CLASP1: variants seen among roughly 807,000 people sequenced by gnomAD.
CLASP1 encodes cytoplasmic linker associated protein 1.
Under a neutral mutation model 192.3 loss-of-function variants are expected in CLASP1, and 38 were observed. That is an observed-to-expected ratio of 0.20 (90% CI 0.15 to 0.26). The LOEUF (loss-of-function observed/expected upper bound fraction) is 0.26, where lower values mean the gene tolerates loss of function less well. Among genes scored for constraint, CLASP1 ranks in the 10% least tolerant of loss-of-function variants. The probability of loss-of-function intolerance (pLI) is 1.00; values close to 1 mark genes in which losing one functional copy is unlikely to be tolerated. For missense variants in CLASP1, 1,433 were observed against 1,932.5 expected (o/e 0.74, Z 4.85); for synonymous variants, 691 against 712.8 (o/e 0.97, Z 0.49).
In CLASP1 at chr2:121,377,664, T is replaced by C. The variant is rs1259654410; in HGVS notation, c.3492-15A>G. 2 of 1,532,588 alleles carry C rather than the reference T, an allele frequency of 1.3e-6. No homozygotes were observed. The highest frequency in any genetic ancestry group is 1.8e-6 in the Non-Finnish European group (2 of 1,137,526). The allele number at this position is 1,532,588 out of a possible 1,614,324, so 94.9% of individuals were successfully genotyped here. A position where few individuals can be genotyped will look rare whatever the true frequency, so the allele number is the denominator to read the frequency against. ...AGTCCAGCATGCTAAAGATAAAAAA[T>C]ATTTTATTTCTTAAATCGAGGCATA... is the stretch of plus-strand genomic sequence containing the variant. On this transcript the variant is annotated splice_polypyrimidine_tract_variant and intron_variant, in intron 33 of 39. Transcript: ENST00000263710.
intron 2 of CLASP1, 103 bp from the exon 3 acceptor site, chr2:121,530,428 T>A (rs1267194706): frequency 2.5e-6 from 2 of 810,846 alleles, no homozygotes; most frequent in Admixed American, 2.4e-5. Flanking sequence ...CCAGACGCAG[T>A]CCGAGAGTCC....
At position 121,385,061 on chromosome 2, in the gene CLASP1, GTCTA is replaced by G. The variant is rs765674416; in HGVS notation, c.3374+2057_3374+2060del. On this transcript the variant is annotated intron_variant, in intron 32 of 39. Coordinates refer to ENST00000263710, the Ensembl canonical transcript of CLASP1. ...AGCTGAGATTATATACAACAGATCT[GTCTA>G]TCTGTCTGTAGTCTCCTTAAATGAG... 6.9e-4 allele frequency among the ~76,000 whole-genome samples: 105 copies of G among 152,230 alleles called. 1 individual carries two copies. The highest frequency in any genetic ancestry group is 2.2e-3 in the African/African-American group (91 of 41,524).
At chr2:121,375,281 C>T (rs1433948136) in intron 34 of CLASP1, among the ~76,000 whole-genome samples, 3 of 152,024 alleles carry the variant, frequency 2.0e-5, no homozygotes, top group South Asian at 4.2e-4. Flanking sequence ...TTCCTGGGGC[C>T]TTCCCAGCTG....
chr2:121,417,730 G>C (rs1222132611), intron 23 of CLASP1, among the ~76,000 whole-genome samples: 4 of 152,210 alleles, frequency 2.6e-5, no homozygotes, highest in Admixed American at 6.5e-5. Context: ...ACACTGATTA[G>C]GGAAAAAAGA....
intron 6 of CLASP1, among the ~76,000 whole-genome samples, chr2:121,522,329 T>C (rs1206494285): frequency 6.6e-6 from 1 of 151,824 alleles, no homozygotes; most frequent in South Asian, 2.1e-4. Flanking sequence ...ACAAAACAAA[T>C]AATAAGAAGT....
intron 36 of CLASP1, among the ~76,000 whole-genome samples, chr2:121,363,675 T>C (rs1464836163): frequency 6.6e-6 from 1 of 152,200 alleles, no homozygotes. Flanking sequence ...TATGCTTCTG[T>C]AAAATGTATG....
At chr2:121,485,770 G>A (rs1274255114) in intron 8 of CLASP1, among the ~76,000 whole-genome samples, 1 of 152,144 alleles carries the variant, frequency 6.6e-6, no homozygotes, top group South Asian at 2.1e-4. Flanking sequence ...TACAGGCATG[G>A]TCCACCACAC....
intron 2 of CLASP1, among the ~76,000 whole-genome samples, chr2:121,535,034 AAGGCAGGCAG>A (rs1367486922): frequency 6.6e-6 from 1 of 152,186 alleles, no homozygotes; most frequent in African/African-American, 2.4e-5. Flanking sequence ...TTGGGAGGCC[AAGGCAGGCAG>A]AGGCAGGCGG....
chr2:121,560,863 T>C (rs1432026362), intron 2 of CLASP1, among the ~76,000 whole-genome samples: 3 of 152,228 alleles, frequency 2.0e-5, no homozygotes, highest in Non-Finnish European at 2.9e-5. Context: ...GCCTCCCAAG[T>C]AGCCAGGATT....
chr2:121,577,707 G>A (rs1424982895), intron 2 of CLASP1, among the ~76,000 whole-genome samples: 1 of 152,154 alleles, frequency 6.6e-6, no homozygotes, highest in African/African-American at 2.4e-5. Flanking sequence ...TTGAAAATAT[G>A]GTTCTAGTGG....
At chr2:121,406,443 T>G (rs950863210) in intron 25 of CLASP1, among the ~76,000 whole-genome samples, 14 of 152,188 alleles carry the variant, frequency 9.2e-5, no homozygotes, top group African/African-American at 3.1e-4. Flanking sequence ...TCCAAGACCC[T>G]AAAGTATAAT....
At chr2:121,642,373 C>G (rs2072269398) in intron 1 of CLASP1, among the ~76,000 whole-genome samples, 1 of 149,586 alleles carries the variant, frequency 6.7e-6, no homozygotes, top group South Asian at 2.1e-4. Flanking sequence ...ACACTCCACC[C>G]TGGGTGACAG....
At chr2:121,451,585 G>A (rs2085486600) in intron 15 of CLASP1, among the ~76,000 whole-genome samples, 2 of 152,204 alleles carry the variant, frequency 1.3e-5, no homozygotes, top group South Asian at 2.1e-4. Context: ...AATGCACATG[G>A]ACATAGTAGT....
At chr2:121,346,099 G>T (rs2149108903) in intron 39 of CLASP1, among the ~76,000 whole-genome samples, 1 of 152,324 alleles carries the variant, frequency 6.6e-6, no homozygotes, top group East Asian at 1.9e-4. Flanking sequence ...TGATGAAATG[G>T]GCCCCACTTG....
intron 2 of CLASP1, among the ~76,000 whole-genome samples, chr2:121,552,762 C>T (rs375938440): frequency 6.6e-6 from 1 of 152,178 alleles, no homozygotes; most frequent in Non-Finnish European, 1.5e-5. Flanking sequence ...TTAGTTAAAC[C>T]ACTGTGGAGA....
chr2:121,433,812 C>T (rs1180949174), intron 19 of CLASP1, among the ~76,000 whole-genome samples: 2 of 152,178 alleles, frequency 1.3e-5, no homozygotes, highest in African/African-American at 4.8e-5. Context: ...ATGACATACA[C>T]ACTCACATAC....
In CLASP1 at chr2:121,636,422, G is replaced by A. The variant is rs928965436; in HGVS notation, c.-286+12950C>T. Among the ~76,000 whole-genome samples the A allele has an allele frequency of 4.6e-5, 7 of 150,962 alleles. No individual in the cohort carries two copies. In the South Asian group the frequency reaches 1.3e-3, roughly 27 times the overall value. On this transcript the variant is annotated intron_variant, in intron 1 of 39. Transcript: ENST00000263710. ...CTCATGCCTGTAATCCCAACACTTT[G>A]GGAGGCCGAGGCGGGTGGATCACCT...
chr2:121,608,242 C>T (rs563242755), intron 1 of CLASP1, among the ~76,000 whole-genome samples: 6 of 152,300 alleles, frequency 3.9e-5, no homozygotes, highest in African/African-American at 1.4e-4. Flanking sequence ...AAAAGAATCT[C>T]TTTCTGGACC....
At chr2:121,430,979 A>AG (rs1217532131) in intron 19 of CLASP1, among the ~76,000 whole-genome samples, 2 of 151,630 alleles carry the variant, frequency 1.3e-5, no homozygotes, top group East Asian at 3.9e-4. Context: ...TAAACTTTAA[A>AG]AAAAAAAAAA....
Sources: gnomAD v4.1 joint callset for allele counts (sites outside exome capture counted in the v4.1 genomes callset) on GRCh38, gnomAD v4.1.1 for gene constraint, MANE v1.5 for transcripts, NCBI Gene and HGNC (gene_info 2026-07-23, HGNC 2026-07-21) for gene names.